Variants in DENND2A observed in about 807,000 individuals in gnomAD.
The protein encoded by DENND2A is DENN domain-containing protein 2A.
A neutral mutation model predicts 105.3 loss-of-function variants in DENND2A; 53 were observed. That is an observed-to-expected ratio of 0.50 (90% CI 0.40 to 0.63). DENND2A has a LOEUF of 0.63. Ranked by LOEUF, DENND2A falls within the 30% of genes least tolerant of loss-of-function variation. DENND2A has a pLI of 0.00. For missense variants in DENND2A, 1,138 were observed against 1,279.6 expected (o/e 0.89, Z 1.69); for synonymous variants, 522 against 508.4 (o/e 1.03, Z -0.36).
Position 140,586,143 on chromosome 7 carries a change from A to T in DENND2A, c.1124-433T>A, listed in dbSNP as rs1798769845. ...CAGCTCTTCTCTCCACCAAGAAGAT[A>T]TGGATTCCAGGAAGCTGGTGGCAGC... is the stretch of plus-strand genomic sequence containing the variant. On this transcript the variant is annotated intron_variant, in intron 4 of 19. Transcript: ENST00000496613. Among the ~76,000 whole-genome samples the T allele has an allele frequency of 2.6e-5, 4 of 152,078 alleles. No individual in the cohort carries two copies. The South Asian group carries it at 8.3e-4, about 32-fold the overall frequency.
At chr7:140,605,839 A>G (rs1585742615) in intron 1 of DENND2A, 33 bp from the exon 2 acceptor site, 1 of 152,462 alleles carries the variant, frequency 6.6e-6, no homozygotes. Flanking sequence ...CCAGTGAGCC[A>G]TGACAGCAGG....
At chr7:140,570,761 C>T (rs1169100623) in intron 6 of DENND2A, among the ~76,000 whole-genome samples, 1 of 152,248 alleles carries the variant, frequency 6.6e-6, no homozygotes, top group African/African-American at 2.4e-5. Flanking sequence ...GCCCTGTGCC[C>T]TGCCCCTCCC....
intron 7 of DENND2A, among the ~76,000 whole-genome samples, chr7:140,569,370 A>G (rs989847299): frequency 1.8e-4 from 27 of 152,244 alleles, no homozygotes; most frequent in African/African-American, 6.5e-4. Flanking sequence ...CCTTTTGTGC[A>G]GGCTAAGCAA....
chr7:140,548,391 A>C (rs1796990227), intron 12 of DENND2A, among the ~76,000 whole-genome samples: 2 of 151,794 alleles, frequency 1.3e-5, no homozygotes, highest in African/African-American at 2.4e-5. Context: ...GTGAGATGGC[A>C]CACACCTGTA....
intron 1 of DENND2A, among the ~76,000 whole-genome samples, chr7:140,622,754 T>C (rs1359152565): frequency 6.6e-6 from 1 of 152,002 alleles, no homozygotes; most frequent in Non-Finnish European, 1.5e-5. Context: ...TATTTTTATG[T>C]GGAGATGGGG....
At chr7:140,553,158 T>C (rs1229605444) in intron 12 of DENND2A, among the ~76,000 whole-genome samples, 1 of 152,154 alleles carries the variant, frequency 6.6e-6, no homozygotes, top group Non-Finnish European at 1.5e-5. Context: ...TTAGTATTTA[T>C]TGATCATTCG....
intron 14 of DENND2A, among the ~76,000 whole-genome samples, chr7:140,529,124 C>CA (rs146154358): frequency 0.02 from 3,001 of 151,570 alleles, 96 homozygotes; most frequent in African/African-American, 0.068. Context: ...AACAAAACAC[C>CA]AAAAAAAACA....
At chr7:140,564,660 A>G (rs545726800) in intron 9 of DENND2A, among the ~76,000 whole-genome samples, 1 of 152,280 alleles carries the variant, frequency 6.6e-6, no homozygotes, top group Admixed American at 6.5e-5. Context: ...TGAATGTGCA[A>G]CTTTACTCTA....
At chr7:140,562,445 A>G (rs1797660434) in intron 9 of DENND2A, among the ~76,000 whole-genome samples, 1 of 151,846 alleles carries the variant, frequency 6.6e-6, no homozygotes, top group Admixed American at 6.6e-5. Context: ...GCGGATCACG[A>G]GGTCTGGAGA....
In DENND2A at chr7:140,549,029, C is replaced by T. The variant is rs187733122; in HGVS notation, c.2038-2090G>A. ...AGGTCAGGAGTTTGAGACCAGCCTG[C>T]CAACACGGTGAAACCCCATCTCTAC... On this transcript the variant is annotated intron_variant, in intron 12 of 19. Transcript: ENST00000496613. Among the ~76,000 whole-genome samples, 340 of 151,748 alleles carry T rather than the reference C, an allele frequency of 2.2e-3. 2 individuals carry two copies. Among genetic ancestry groups the T allele is most frequent in the Middle Eastern group, 0.014 (4 of 294 alleles).
Position 140,606,021 on chromosome 7 carries a change from C to T in DENND2A, c.-247-215G>A, listed in dbSNP as rs529846534. On this transcript the variant is annotated intron_variant, in intron 1 of 19. Coordinates refer to ENST00000496613, the MANE Select transcript of DENND2A (RefSeq NM_015689.5). ...GCCCGGATTCAGAACTCATGCCAAC[C>T]TCTTTGTATATATCTTTTTTGTTCA... 7.9e-5 allele frequency among the ~76,000 whole-genome samples: 12 copies of T among 152,252 alleles called. No homozygotes were observed. The South Asian group carries it at 2.3e-3, about 29-fold the overall frequency.
At chr7:140,584,657 C>G (rs1039876021) in intron 5 of DENND2A, among the ~76,000 whole-genome samples, 1 of 152,182 alleles carries the variant, frequency 6.6e-6, no homozygotes, top group Admixed American at 6.5e-5. Flanking sequence ...AGAAGGTCAG[C>G]CTTCCCCCTG....
intron 1 of DENND2A, among the ~76,000 whole-genome samples, chr7:140,627,142 C>A (rs1800560679): frequency 6.6e-6 from 1 of 152,156 alleles, no homozygotes; most frequent in Admixed American, 6.6e-5. Context: ...GTGAACTTAA[C>A]CCTGCCAAAT....
At position 140,601,750 on chromosome 7, in the gene DENND2A, C is replaced by A. The variant is rs1379581559; in HGVS notation, c.648G>T (p.Arg216Ser). 1.2e-6 allele frequency: 2 copies of A among 1,613,994 alleles called. No individual in the cohort carries two copies. The change falls in exon 3 of 20, where the codon AGG becomes AGT. Residue 216 changes from arginine to serine, a missense_variant. This residue lies in a region of DENND2A where 511 missense variants were observed against 499.9 expected (regional missense o/e 1.02). Coordinates refer to ENST00000496613, the MANE Select transcript of DENND2A (RefSeq NM_015689.5). ...TGCCTTCCAGGTCCGAGGGGTGGAC[C>A]CTCTGGCTGACTTCTGAGCCACTCC... is the stretch of plus-strand genomic sequence containing the variant. ...GGGSGSEVSQRVHPSDLEGRE... is the reference protein window; with the variant it reads ...GGGSGSEVSQSVHPSDLEGRE...
rs191081679 is a variant in DENND2A, at chr7:140,518,497, C to T, written c.*210G>A. The T allele has an allele frequency of 1.5e-4, 70 of 479,104 alleles. No homozygotes were observed. The East Asian group carries it at 1.6e-3, about 11-fold the overall frequency. 29.7% of individuals were successfully genotyped at this position (479,104 alleles called of 1,614,324 possible). On this transcript the variant is annotated 3_prime_UTR_variant, in exon 20 of 20. Coordinates refer to ENST00000496613, the MANE Select transcript of DENND2A (RefSeq NM_015689.5). ...ACAACCCATTTGCATGTCGGCGACA[C>T]GCCTGGTCTCGGGCTCCCTTTCTGG...
In DENND2A at chr7:140,527,530, C is replaced by T; in HGVS notation, c.2328-35G>A. The T allele has an allele frequency of 6.4e-7, 1 of 1,559,088 alleles. No homozygotes were observed. The highest frequency in any genetic ancestry group is 8.7e-7 in the Non-Finnish European group (1 of 1,149,132). ...GGGAGAGAACAGGGAGAGAGGCCGACTCAGCGAGGGCCCGAGGAAGCCTCC... is the reference window on the plus strand; with the variant it reads ...GGGAGAGAACAGGGAGAGAGGCCGATTCAGCGAGGGCCCGAGGAAGCCTCC... On this transcript the variant is annotated intron_variant, in intron 14 of 19. Transcript: ENST00000496613. This position sits in a 1 kb window ranked among gnomAD's most constrained non-coding sequence, Gnocchi z 4.9.
chr7:140,593,350 G>A (rs769639875), intron 3 of DENND2A, among the ~76,000 whole-genome samples: 1 of 152,194 alleles, frequency 6.6e-6, no homozygotes, highest in South Asian at 2.1e-4. Context: ...TCAAATGATC[G>A]TTTGATATTT....
chr7:140,550,138 G>A (rs1333379584), intron 12 of DENND2A, among the ~76,000 whole-genome samples: 2 of 8,356 alleles, frequency 2.4e-4, no homozygotes, highest in African/African-American at 5.4e-4. Flanking sequence ...TAGGGGTGGG[G>A]TTAGGGGTGG....
In DENND2A at chr7:140,559,282, C is replaced by T. The variant is rs1563140773; in HGVS notation, c.1889+426G>A. On this transcript the variant is annotated intron_variant, in intron 10 of 19. Coordinates refer to ENST00000496613, the MANE Select transcript of DENND2A (RefSeq NM_015689.5). The surrounding 1 kb of genome is among the most constrained non-coding windows in gnomAD (Gnocchi z 4.1). ...CCTTAAAGACAGGACCCGCAGCCTACTGAGTTTGGCCAAATGCGGAAACAT... is the reference window on the plus strand; with the variant it reads ...CCTTAAAGACAGGACCCGCAGCCTATTGAGTTTGGCCAAATGCGGAAACAT... 1.3e-5 allele frequency among the ~76,000 whole-genome samples: 2 copies of T among 152,198 alleles called. No homozygotes were observed. Among genetic ancestry groups the T allele is most frequent in the Non-Finnish European group, 2.9e-5 (2 of 68,042 alleles).
Sources: gnomAD v4.1 joint callset for allele counts (sites outside exome capture counted in the v4.1 genomes callset) on GRCh38, gnomAD v4.1.1 for gene constraint, gnomAD v4.1.1 regional missense constraint, Gnocchi (gnomAD v3.1) non-coding constraint, MANE v1.5 for transcripts, NCBI Gene and HGNC (gene_info 2026-07-23, HGNC 2026-07-21) for gene names.